The following TGFBR1 variants were observed in gnomAD, a reference collection of about 807,000 sequenced individuals.
TGFBR1 encodes the protein TGF-beta receptor type-1.
A neutral mutation model predicts 55.1 loss-of-function variants in TGFBR1; 20 were observed. The ratio of observed to expected loss-of-function variants is 0.36; its 90% CI spans 0.26 to 0.53. TGFBR1 has a LOEUF of 0.53. Among genes scored for constraint, TGFBR1 ranks in the 20% least tolerant of loss-of-function variants. The pLI, the probability that TGFBR1 is intolerant of heterozygous loss-of-function variation, is 0.91. For missense variants in TGFBR1, 385 were observed against 617.6 expected (o/e 0.62, Z 3.99); for synonymous variants, 220 against 214.8 (o/e 1.02, Z -0.21).
chr9:99,133,248 A>C (rs1827304126), intron 3 of TGFBR1, among the ~76,000 whole-genome samples: 1 of 152,234 alleles, frequency 6.6e-6, no homozygotes, highest in East Asian at 1.9e-4. Flanking sequence ...GGTTTTTTAA[A>C]ATTAAACTAA....
chr9:99,153,342 CT>C lies in TGFBR1; in HGVS notation c.*4040del. On this transcript the variant is annotated 3_prime_UTR_variant, in exon 9 of 9. Transcript: ENST00000374994. The stretch of plus-strand genomic sequence containing the variant: ...TGTACCCCAAATAACATCGTCTGTA[CT>C]TTCTGTTTTCTGTATTGTATTTGTG... 4.6e-6 allele frequency: 1 copy of C among 217,262 alleles called. No homozygotes were observed. The highest frequency in any genetic ancestry group is 6.8e-5 in the East Asian group (1 of 14,648). 13.5% of individuals were successfully genotyped at this position (217,262 alleles called of 1,614,324 possible).
intron 1 of TGFBR1, among the ~76,000 whole-genome samples, chr9:99,112,518 CATT>C (rs1428414053): frequency 6.6e-6 from 1 of 152,200 alleles, no homozygotes; most frequent in Non-Finnish European, 1.5e-5. Context: ...TCCTTCCTAT[CATT>C]CTATGCTTTG....
At position 99,149,464 on chromosome 9, in the gene TGFBR1, T is replaced by C. The variant is rs929579396; in HGVS notation, c.*159T>C. On this transcript the variant is annotated 3_prime_UTR_variant, in exon 9 of 9. Transcript: ENST00000374994. ...CAATTAAAAACTTCCCAGGATTTCT[T>C]TGGACCCAGGAAACAGCCATGTGGG... is the stretch of plus-strand genomic sequence containing the variant. 4 of 1,032,658 alleles carry C rather than the reference T, an allele frequency of 3.9e-6. No individual in the cohort carries two copies. Among genetic ancestry groups the C allele is most frequent in the Non-Finnish European group, 2.9e-6 (2 of 696,520 alleles). The allele number at this position is 1,032,658 out of a possible 1,614,324, so 64.0% of individuals were successfully genotyped here. A position where few individuals can be genotyped will look rare whatever the true frequency, so the allele number is the denominator to read the frequency against.
At chr9:99,105,637 A>G (rs1826390068) in intron 1 of TGFBR1, among the ~76,000 whole-genome samples, 1 of 150,880 alleles carries the variant, frequency 6.6e-6, no homozygotes, top group Non-Finnish European at 1.5e-5. Flanking sequence ...GGCGAGGGCC[A>G]GGGGCGGAGA....
Position 99,147,706 on chromosome 9 carries a change from A to G in TGFBR1, c.1308A>G (p.Pro436=). The change falls in exon 8 of 9, where the codon CCA becomes CCG. Residue 436 remains proline, a synonymous_variant. Transcript: ENST00000374994. Reference sequence around the variant, plus strand: ...ATTATGATCTTGTACCTTCTGACCCATCAGTTGAAGAAATGAGAAAAGTTG... The same window carrying G: ...ATTATGATCTTGTACCTTCTGACCCGTCAGTTGAAGAAATGAGAAAAGTTG... ...LPYYDLVPSD[P]SVEEMRKVVC... is the part of the protein sequence containing the mutation. 1 of 1,613,764 alleles carries G rather than the reference A, an allele frequency of 6.2e-7. No homozygotes were observed. Among genetic ancestry groups the G allele is most frequent in the Non-Finnish European group, 8.5e-7 (1 of 1,179,776 alleles).
rs200062984 is a variant in TGFBR1, at chr9:99,146,570, T to A, written c.1216T>A (p.Leu406Ile). ...ACGTGCTGACATCTATGCAATGGGCTTAGTATTCTGGGAAATTGCTCGACG... is the reference window on the plus strand; with the variant it reads ...ACGTGCTGACATCTATGCAATGGGCATAGTATTCTGGGAAATTGCTCGACG... ...FKRADIYAMG[L>I]VFWEIARRCS... is the part of the protein sequence containing the mutation. The change falls in exon 7 of 9, where the codon TTA becomes ATA. Residue 406 changes from leucine (L) to isoleucine (I), a missense_variant. Leu to Ile is a conservative substitution (Grantham distance 5). Coordinates refer to ENST00000374994, the MANE Select transcript of TGFBR1 (RefSeq NM_004612.4). 73 of 1,613,900 alleles carry A rather than the reference T, an allele frequency of 4.5e-5. No homozygotes were observed. Among genetic ancestry groups the A allele is most frequent in the Non-Finnish European group, 5.5e-5 (65 of 1,179,918 alleles).
chr9:99,122,326 A>G (rs1826919079), intron 1 of TGFBR1, among the ~76,000 whole-genome samples: 1 of 152,164 alleles, frequency 6.6e-6, no homozygotes, highest in Admixed American at 6.6e-5. Flanking sequence ...TCTGTTCCAT[A>G]TATTAATACT....
chr9:99,146,405 A>T, intron 6 of TGFBR1, 80 bp from the exon 7 acceptor site: 1 of 1,515,994 alleles, frequency 6.6e-7, no homozygotes, highest in Non-Finnish European at 9.2e-7. Context: ...CTATGTATAA[A>T]GAAATGTCTG....
intron 1 of TGFBR1, among the ~76,000 whole-genome samples, chr9:99,120,429 C>T (rs1278494162): frequency 1.3e-5 from 2 of 152,190 alleles, no homozygotes; most frequent in Non-Finnish European, 2.9e-5. Context: ...AAAGTGTGCA[C>T]ATCTGCTCTG....
chr9:99,144,907 A>T lies in TGFBR1; in HGVS notation c.1130+19A>T. 1 of 1,612,282 alleles carries T rather than the reference A, an allele frequency of 6.2e-7. No homozygotes were observed. The highest frequency in any genetic ancestry group is 1.1e-5 in the South Asian group (1 of 91,060). ...CAAAAAGGTATACTTTTGAACAACT[A>T]TATTTAATATCTTCTGAAATCACCT... On this transcript the variant is annotated intron_variant, in intron 6 of 8. Transcript: ENST00000374994.
chr9:99,140,145 A>G (rs966122549), intron 4 of TGFBR1, among the ~76,000 whole-genome samples: 1 of 152,150 alleles, frequency 6.6e-6, no homozygotes, highest in Middle Eastern at 3.2e-3. Context: ...ACAATGTAAT[A>G]CCTCTTAAGT....
At position 99,151,880 on chromosome 9, in the gene TGFBR1, G is replaced by A. The variant is rs201156487; in HGVS notation, c.*2575G>A. ...AATAATTTTGTCATTTAAAAACACA[G>A]TTGTTTATACTGCCCATCCTAGGAT... On this transcript the variant is annotated 3_prime_UTR_variant, in exon 9 of 9. Transcript: ENST00000374994. The A allele has an allele frequency of 3.4e-5, 7 of 206,712 alleles. No individual in the cohort carries two copies. The highest frequency in any genetic ancestry group is 6.9e-5 in the Non-Finnish European group (7 of 101,048). The allele number at this position is 206,712 out of a possible 1,614,324, so 12.8% of individuals were successfully genotyped here.
chr9:99,145,578 G>C (rs1827767135), intron 6 of TGFBR1, among the ~76,000 whole-genome samples: 1 of 152,212 alleles, frequency 6.6e-6, no homozygotes, highest in African/African-American at 2.4e-5. Flanking sequence ...GTAGATATTT[G>C]TTGAGTCCAT....
intron 1 of TGFBR1, among the ~76,000 whole-genome samples, chr9:99,127,420 A>G (rs1827073014): frequency 6.6e-6 from 1 of 152,180 alleles, no homozygotes; most frequent in Non-Finnish European, 1.5e-5. Flanking sequence ...TGTAAATCAC[A>G]TTGTTAGAAT....
intron 4 of TGFBR1, among the ~76,000 whole-genome samples, chr9:99,139,604 T>G (rs1827549019): frequency 6.6e-6 from 1 of 152,236 alleles, no homozygotes; most frequent in South Asian, 2.1e-4. Context: ...CTGTAAACAC[T>G]TATAAAATGT....
At chr9:99,109,982 C>T (rs1304398666) in intron 1 of TGFBR1, among the ~76,000 whole-genome samples, 3 of 152,200 alleles carry the variant, frequency 2.0e-5, no homozygotes. Context: ...AGGCAGTCTC[C>T]ATAAACATTA....
At chr9:99,146,686 A>G (rs1457650815) in intron 7 of TGFBR1, 77 bp downstream of exon 7, 1 of 1,594,960 alleles carries the variant, frequency 6.3e-7, no homozygotes, top group Non-Finnish European at 8.6e-7. Flanking sequence ...TTTTAATTGA[A>G]TGAAATTATG....
chr9:99,120,697 A>G (rs1826873011), intron 1 of TGFBR1, among the ~76,000 whole-genome samples: 1 of 152,224 alleles, frequency 6.6e-6, no homozygotes, highest in Non-Finnish European at 1.5e-5. Context: ...TGTAATGAAC[A>G]TCTGCAAGTT....
intron 1 of TGFBR1, among the ~76,000 whole-genome samples, chr9:99,117,889 T>C (rs1826794016): frequency 6.6e-6 from 1 of 152,254 alleles, no homozygotes; most frequent in South Asian, 2.1e-4. Flanking sequence ...TGATTTGATT[T>C]TATTGAATCT....
Sources: gnomAD v4.1 joint callset for allele counts (sites outside exome capture counted in the v4.1 genomes callset) on GRCh38, gnomAD v4.1.1 for gene constraint, MANE v1.5 for transcripts, NCBI Gene and HGNC (gene_info 2026-07-23, HGNC 2026-07-21) for gene names.